SEMA3E: variants seen among roughly 807,000 people sequenced by gnomAD.
SEMA3E encodes the protein semaphorin-3E.
Under a neutral mutation model 93.6 loss-of-function variants are expected in SEMA3E, and 49 were observed. The observed-to-expected ratio is 0.52, with a 90% CI of 0.42 to 0.66. The LOEUF is 0.66. SEMA3E is among the 30% of genes least tolerant of loss of function. The pLI is 0.00. For missense variants in SEMA3E, 906 were observed against 964.8 expected (o/e 0.94, Z 0.81); for synonymous variants, 363 against 330.7 (o/e 1.10, Z -1.06).
chr7:83,510,205 T>G (rs986456711), intron 1 of SEMA3E, among the ~76,000 whole-genome samples: 1 of 152,198 alleles, frequency 6.6e-6, no homozygotes, highest in African/African-American at 2.4e-5. Context: ...CACTCCATTT[T>G]TAATTAAGCA....
chr7:83,375,259 T>C (rs954973362), intron 16 of SEMA3E, among the ~76,000 whole-genome samples: 39 of 152,124 alleles, frequency 2.6e-4, no homozygotes, highest in African/African-American at 8.9e-4. Context: ...TCCTAAGATT[T>C]AAAATGTCTC....
At chr7:83,582,783 T>C (rs1277007334) in intron 1 of SEMA3E, among the ~76,000 whole-genome samples, 1 of 152,034 alleles carries the variant, frequency 6.6e-6, no homozygotes, top group Non-Finnish European at 1.5e-5. Flanking sequence ...TTTCAAATAT[T>C]CATTTATATG....
At chr7:83,518,642 T>TA in intron 1 of SEMA3E, among the ~76,000 whole-genome samples, 1 of 152,300 alleles carries the variant, frequency 6.6e-6, no homozygotes, top group Non-Finnish European at 1.5e-5. Flanking sequence ...AGTTGACTAT[T>TA]ACATTCATTA....
In SEMA3E at chr7:83,391,280, G is replaced by A. The variant is rs1292150852; in HGVS notation, c.1667+1275C>T. On this transcript the variant is annotated intron_variant, in intron 14 of 16. Transcript: ENST00000643230. ...CTCTTAATCCAATAGCTCATTCATAGTAAGTGCTCAACAGCAAGCTACTAC... is the reference window on the plus strand; with the variant it reads ...CTCTTAATCCAATAGCTCATTCATAATAAGTGCTCAACAGCAAGCTACTAC... Among the ~76,000 whole-genome samples, 6 of 152,214 alleles carry A rather than the reference G, an allele frequency of 3.9e-5. No individual in the cohort carries two copies. The South Asian group carries it at 1.0e-3, about 26-fold the overall frequency.
chr7:83,444,062 A>T lies in SEMA3E; in HGVS notation c.456+22420T>A, dbSNP rs569541769. Reference sequence around the variant, plus strand: ...CTAATTCAAAATTAAGTTTTGTCTTAAGTACAATTAAAATCCAAATTAATC... The same window carrying T: ...CTAATTCAAAATTAAGTTTTGTCTTTAGTACAATTAAAATCCAAATTAATC... On this transcript the variant is annotated intron_variant, in intron 4 of 16. Coordinates refer to ENST00000643230, the MANE Select transcript of SEMA3E (RefSeq NM_012431.3). Among the ~76,000 whole-genome samples the T allele has an allele frequency of 2.0e-5, 3 of 152,254 alleles. No homozygotes were observed. In the East Asian group the frequency reaches 5.8e-4, roughly 29 times the overall value.
rs113616652 is a variant in SEMA3E at position 83,460,712 on chromosome 7, C to T, written c.456+5770G>A. Among the ~76,000 whole-genome samples the T allele has an allele frequency of 8.9e-3, 1,340 of 151,040 alleles. 19 individuals are homozygous for T. The highest frequency in any genetic ancestry group is 0.03 in the African/African-American group (1,217 of 41,078). On this transcript the variant is annotated intron_variant, in intron 4 of 16. Coordinates refer to ENST00000643230, the MANE Select transcript of SEMA3E (RefSeq NM_012431.3). ...TCTGCACCCCAATCCCTTATTTCTG[C>T]GCCCCGACCTCTTGTATCTCTGTGC... is the stretch of plus-strand genomic sequence containing the variant.
intron 3 of SEMA3E, 139 bp downstream of exon 3, chr7:83,469,104 G>T: frequency 1.6e-6 from 1 of 621,180 alleles, no homozygotes; most frequent in East Asian, 2.9e-5. Context: ...TGTTTTATAT[G>T]CCTATATATT....
At chr7:83,432,281 T>G (rs1788900696) in intron 4 of SEMA3E, among the ~76,000 whole-genome samples, 1 of 152,064 alleles carries the variant, frequency 6.6e-6, no homozygotes, top group South Asian at 2.1e-4. Context: ...GGTTTTTTTT[T>G]TTGTTGTGTG....
At chr7:83,552,697 G>A (rs967669472) in intron 1 of SEMA3E, among the ~76,000 whole-genome samples, 1 of 152,106 alleles carries the variant, frequency 6.6e-6, no homozygotes, top group Non-Finnish European at 1.5e-5. Flanking sequence ...ATGCGGTTGA[G>A]ATAAGGACTG....
chr7:83,501,508 A>G (rs965538351), intron 1 of SEMA3E, among the ~76,000 whole-genome samples: 6 of 152,224 alleles, frequency 3.9e-5, no homozygotes, highest in Admixed American at 1.3e-4. Flanking sequence ...GCTGGAGTGC[A>G]GTGGCACGAT....
intron 1 of SEMA3E, among the ~76,000 whole-genome samples, chr7:83,577,356 T>G (rs745533774): frequency 6.6e-6 from 1 of 152,296 alleles, no homozygotes; most frequent in African/African-American, 2.4e-5. Context: ...CAATAATCAT[T>G]ACTCTTTTAA....
intron 11 of SEMA3E, among the ~76,000 whole-genome samples, 169 bp from the exon 12 acceptor site, chr7:83,396,898 GCAAAA>G (rs1367589174): frequency 6.6e-6 from 1 of 151,910 alleles, no homozygotes; most frequent in Non-Finnish European, 1.5e-5. Context: ...GGCCAAGAAG[GCAAAA>G]CCCTGTCTCT....
At chr7:83,551,464 A>C (rs1791763150) in intron 1 of SEMA3E, among the ~76,000 whole-genome samples, 1 of 151,632 alleles carries the variant, frequency 6.6e-6, no homozygotes, top group Non-Finnish European at 1.5e-5. Flanking sequence ...TTTTAAACAA[A>C]ACAATAAGAG....
intron 4 of SEMA3E, among the ~76,000 whole-genome samples, chr7:83,447,832 G>C (rs750889909): frequency 1.3e-5 from 2 of 152,124 alleles, no homozygotes; most frequent in Non-Finnish European, 2.9e-5. Flanking sequence ...ATAACAAAAA[G>C]ATTTATTTCT....
At chr7:83,638,886 C>T (rs995323584) in intron 1 of SEMA3E, among the ~76,000 whole-genome samples, 70 of 151,400 alleles carry the variant, frequency 4.6e-4, no homozygotes, top group African/African-American at 1.6e-3. Context: ...CCGAGGCGGG[C>T]GGATCACGAG....
chr7:83,644,220 A>T (rs962072397), intron 1 of SEMA3E, among the ~76,000 whole-genome samples: 1 of 151,830 alleles, frequency 6.6e-6, no homozygotes, highest in Admixed American at 6.6e-5. Context: ...TATATAGGCC[A>T]TGAATCTTGG....
At chr7:83,420,162 C>T (rs1284885323) in intron 4 of SEMA3E, among the ~76,000 whole-genome samples, 1 of 152,070 alleles carries the variant, frequency 6.6e-6, no homozygotes. Context: ...AGCTGAGAGC[C>T]AAATTAAGAA....
chr7:83,581,697 C>A (rs1057149873), intron 1 of SEMA3E, among the ~76,000 whole-genome samples: 3 of 151,942 alleles, frequency 2.0e-5, no homozygotes, highest in African/African-American at 7.2e-5. Context: ...GTGATAATTT[C>A]AATCTGGAAT....
intron 1 of SEMA3E, among the ~76,000 whole-genome samples, chr7:83,625,938 G>A (rs1010722970): frequency 3.9e-5 from 6 of 152,052 alleles, no homozygotes; most frequent in Admixed American, 3.3e-4. Flanking sequence ...TTTATCAAAG[G>A]CCTTTTCTGC....
Sources: allele counts gnomAD v4.1 joint callset (sites outside exome capture counted in the v4.1 genomes callset), GRCh38; gene constraint gnomAD v4.1.1; transcripts MANE v1.5; gene names NCBI Gene and HGNC (gene_info 2026-07-23, HGNC 2026-07-21).